The following PLEKHN1 variants were observed in gnomAD, a reference collection of about 807,000 sequenced individuals.
PLEKHN1 encodes the protein pleckstrin homology domain containing N1, also known as pleckstrin homology domain-containing family N member 1.
Under a neutral mutation model 72.8 loss-of-function variants are expected in PLEKHN1, and 68 were observed. The observed-to-expected ratio is 0.93, with a 90% CI of 0.77 to 1.14. PLEKHN1 has a LOEUF of 1.14. Ranked by LOEUF, PLEKHN1 falls within the 50% of genes most tolerant of loss-of-function variation. PLEKHN1 has a pLI of 0.00. For missense variants in PLEKHN1, 1,015 were observed against 840.5 expected (o/e 1.21, Z -2.57); for synonymous variants, 454 against 371.6 (o/e 1.22, Z -2.55).
chr1:969,905 G>C (rs1643216666), intron 2 of PLEKHN1, among the ~76,000 whole-genome samples: 1 of 152,236 alleles, frequency 6.6e-6, no homozygotes, highest in Non-Finnish European at 1.5e-5. Flanking sequence ...ATATATGTAT[G>C]CACGTGTGTG....
At position 973,516 on chromosome 1, in the gene PLEKHN1, T is replaced by C. The variant is rs931071249; in HGVS notation, c.1310T>C (p.Leu437Pro). Residue 437 changes from leucine to proline, a missense_variant, in exon 13 of 16, where the codon CTG becomes CCG. Transcript: ENST00000379410. ...LDLTQLHRLS[L>P]ESSPDAPDHT... Reference sequence around the variant, plus strand: ...GCCCTGCAGCTGCACAGGCTGAGCCTGGAGAGCAGCCCAGATGCCCCTGAC... The same window carrying C: ...GCCCTGCAGCTGCACAGGCTGAGCCCGGAGAGCAGCCCAGATGCCCCTGAC... The C allele has an allele frequency of 6.2e-7, 1 of 1,613,144 alleles. No homozygotes were observed. Among genetic ancestry groups the C allele is most frequent in the Non-Finnish European group, 8.5e-7 (1 of 1,179,972 alleles).
intron 6 of PLEKHN1, 46 bp downstream of exon 6, chr1:971,052 G>C: frequency 6.3e-7 from 1 of 1,579,988 alleles, no homozygotes; most frequent in Non-Finnish European, 8.6e-7. Flanking sequence ...GATCCTCGCA[G>C]CCGGCTCTGA....
chr1:970,727 G>A lies in PLEKHN1; in HGVS notation c.453G>A (p.Glu151=), dbSNP rs1245847749. The change falls in exon 5 of 16, where the codon GAG becomes GAA. Residue 151 remains glutamate (E), a synonymous_variant. Transcript: ENST00000379410. This position sits in a 1 kb window ranked among gnomAD's most constrained non-coding sequence, Gnocchi z 4.2. Reference sequence around the variant, plus strand: ...CGGAGCTGAGTGTCTGCCCGCTCGAGGGGTCCCGAGAGCACGCCTTCCAGA... The same window carrying A: ...CGGAGCTGAGTGTCTGCCCGCTCGAAGGGTCCCGAGAGCACGCCTTCCAGA... ...PLTELSVCPL[E]GSREHAFQIT... 1 of 1,604,974 alleles carries A rather than the reference G, an allele frequency of 6.2e-7. No homozygotes were observed.
At chr1:972,250 C>T (rs752845266) in intron 9 of PLEKHN1, 38 bp from the exon 10 acceptor site, 64 of 1,600,606 alleles carry the variant, frequency 4.0e-5, no homozygotes, top group African/African-American at 6.7e-5. Context: ...CTGAGGGGTG[C>T]ACCCCCCCGC....
chr1:968,409 T>C (rs925184264), intron 2 of PLEKHN1, among the ~76,000 whole-genome samples: 2 of 152,192 alleles, frequency 1.3e-5, no homozygotes, highest in Non-Finnish European at 2.9e-5. Flanking sequence ...TCCAACCTGG[T>C]GATCAAAGCC....
intron 2 of PLEKHN1, among the ~76,000 whole-genome samples, chr1:967,052 G>A (rs1312970026): frequency 6.6e-6 from 1 of 152,224 alleles, no homozygotes; most frequent in African/African-American, 2.4e-5. Context: ...CGCGGGCGGG[G>A]CCTCCCGGGA....
At position 972,920 on chromosome 1, in the gene PLEKHN1, G is replaced by T; in HGVS notation, c.1062G>T (p.Gly354=). The change falls in exon 11 of 16, where the codon GGG becomes GGT. Residue 354 remains glycine (G), a synonymous_variant. Coordinates refer to ENST00000379410, the MANE Select transcript of PLEKHN1 (RefSeq NM_032129.3). ...SSGGQTSWDS[G]CLAPPSTRTS... The stretch of plus-strand genomic sequence containing the variant: ...GCGGACAGACCAGCTGGGACTCGGG[G>T]TGCTTGGCGCCCCCCTCCACCCGCA... The T allele has an allele frequency of 6.4e-7, 1 of 1,561,762 alleles. No individual in the cohort carries two copies. The highest frequency in any genetic ancestry group is 1.4e-5 in the African/African-American group (1 of 73,750).
chr1:974,220 G>A, intron 14 of PLEKHN1, 96 bp from the exon 15 acceptor site: 1 of 1,571,286 alleles, frequency 6.4e-7, no homozygotes. Context: ...GGGAGGGAGA[G>A]CAGGGGGACA....
chr1:966,531 C>T lies in PLEKHN1; in HGVS notation c.-1C>T, dbSNP rs1182836440. On this transcript the variant is annotated 5_prime_UTR_variant, in exon 1 of 16. Coordinates refer to ENST00000379410, the MANE Select transcript of PLEKHN1 (RefSeq NM_032129.3). ...ACTTGCCGACCTGTACGACTCTGGC[C>T]ATGGGGAACAGCCACTGTGTCCCTC... 3 of 1,605,260 alleles carry T rather than the reference C, an allele frequency of 1.9e-6. No individual in the cohort carries two copies. Among genetic ancestry groups the T allele is most frequent in the Non-Finnish European group, 2.6e-6 (3 of 1,174,368 alleles).
rs749017506 is a variant in PLEKHN1, at chr1:970,404, TG to T, written c.312del (p.Arg105GlyfsTer38). 9.4e-5 allele frequency: 152 copies of T among 1,613,434 alleles called. 1 individual carries two copies. The African/African-American group carries it at 1.5e-3, about 16-fold the overall frequency. ...GTTGTGCATTACGCCAAGGTCCAGC[TG>T]CGGTTCCAGCACAGCCAGGTGGGGG... Reference protein sequence around the residue: ...GKVVHYAKVQLRFQHSQDVSD... With the variant: ...GKVVHYAKVQXRFQHSQDVSD... On this transcript the variant is annotated frameshift_variant, in exon 3 of 16. Transcript: ENST00000379410. LOFTEE classifies it high-confidence loss of function. This position sits in a 1 kb window ranked among gnomAD's most constrained non-coding sequence, Gnocchi z 4.2.
rs78958031 is a variant in PLEKHN1 at position 974,557 on chromosome 1, G to T, written c.1818G>T (p.Gly606=). The change falls in exon 16 of 16, where the codon GGG becomes GGT. Residue 606 remains glycine (G), a synonymous_variant. Coordinates refer to ENST00000379410, the MANE Select transcript of PLEKHN1 (RefSeq NM_032129.3). ...TTGGAGGGCCTGAGGCCAGTGGGGG[G>T]CTTGTGCAGTGGATCTGATGGCCGC... ...PQLGGPEASG[G]LVQWI is the part of the protein sequence containing the mutation. The T allele has an allele frequency of 6.2e-7, 1 of 1,611,914 alleles. No individual in the cohort carries two copies.
At position 972,094 on chromosome 1, in the gene PLEKHN1, C is replaced by A; in HGVS notation, c.809C>A (p.Ala270Asp). 6.2e-7 allele frequency: 1 copy of A among 1,613,044 alleles called. No homozygotes were observed. Among genetic ancestry groups the A allele is most frequent in the Non-Finnish European group, 8.5e-7 (1 of 1,179,894 alleles). ...LCFKGELPLR[A>D]VHINLEEKEK... ...CCGCAGGGGGAGCTCCCACTCCGTG[C>A]CGTCCACATCAACCTGGAGGAGAAG... Residue 270 changes from alanine to aspartate, a missense_variant, in exon 9 of 16, where the codon GCC (alanine) becomes GAC (aspartate). Coordinates refer to ENST00000379410, the MANE Select transcript of PLEKHN1 (RefSeq NM_032129.3).
Position 970,626 on chromosome 1 carries a change from G to C in PLEKHN1, c.411+25G>C. On this transcript the variant is annotated intron_variant, in intron 4 of 15. Transcript: ENST00000379410. This position sits in a 1 kb window ranked among gnomAD's most constrained non-coding sequence, Gnocchi z 4.2. ...GGTGAGGCGGTGGGCAATGGGGTGG[G>C]GCCATGGCCGCCCTTCCCTCCATGG... 3.7e-6 allele frequency: 6 copies of C among 1,608,158 alleles called. No individual in the cohort carries two copies. The highest frequency in any genetic ancestry group is 5.1e-6 in the Non-Finnish European group (6 of 1,176,854).
At chr1:973,723 T>C in intron 13 of PLEKHN1, 83 bp downstream of exon 13, 2 of 1,570,022 alleles carry the variant, frequency 1.3e-6, no homozygotes, top group Non-Finnish European at 1.7e-6. Flanking sequence ...CGTCTCACCC[T>C]GGGGTCTGGG....
In PLEKHN1 at chr1:971,668, C is replaced by T; in HGVS notation, c.789+264C>T. The T allele has an allele frequency of 5.0e-6, 3 of 595,054 alleles. No individual in the cohort carries two copies. The East Asian group carries it at 8.3e-5, about 17-fold the overall frequency. The allele number at this position is 595,054 out of a possible 1,614,324, so 36.9% of individuals were successfully genotyped here. ...GCTGAGAGCCCCTCCCGGGGACTCCCTTGTGTGTGCCTGCCCGTGAGGCGT... is the reference window on the plus strand; with the variant it reads ...GCTGAGAGCCCCTCCCGGGGACTCCTTTGTGTGTGCCTGCCCGTGAGGCGT... On this transcript the variant is annotated intron_variant, in intron 8 of 15. Transcript: ENST00000379410.
At chr1:966,968 G>C (rs937760440) in intron 2 of PLEKHN1, among the ~76,000 whole-genome samples, 165 bp downstream of exon 2, 1 of 152,234 alleles carries the variant, frequency 6.6e-6, no homozygotes, top group Admixed American at 6.5e-5. Flanking sequence ...AGCTCATCCG[G>C]CCGAAAGTCT....
At chr1:972,460 G>A in intron 10 of PLEKHN1, 36 bp downstream of exon 10, 1 of 1,520,288 alleles carries the variant, frequency 6.6e-7, no homozygotes, top group Non-Finnish European at 8.8e-7. Context: ...CCAGGTCCTG[G>A]GCAGTGGTAA....
chr1:974,686 G>C lies in PLEKHN1; in HGVS notation c.*111G>C, dbSNP rs984701784. 1 of 1,354,318 alleles carries C rather than the reference G, an allele frequency of 7.4e-7. No individual in the cohort carries two copies. Among genetic ancestry groups the C allele is most frequent in the Non-Finnish European group, 9.8e-7 (1 of 1,015,306 alleles). 83.9% of individuals were successfully genotyped at this position (1,354,318 alleles called of 1,614,324 possible). A position where few individuals can be genotyped will look rare whatever the true frequency, so the allele number is the denominator to read the frequency against. On this transcript the variant is annotated 3_prime_UTR_variant, in exon 16 of 16. Coordinates refer to ENST00000379410, the MANE Select transcript of PLEKHN1 (RefSeq NM_032129.3). The stretch of plus-strand genomic sequence containing the variant: ...GGGTCTGAACCCAGTGTGATGGGGG[G>C]AGTCTCTGGGGCCCTGAGTTCAGAG...
intron 2 of PLEKHN1, among the ~76,000 whole-genome samples, chr1:969,837 T>A (rs1275564136): frequency 6.6e-6 from 1 of 152,024 alleles, no homozygotes; most frequent in African/African-American, 2.4e-5. Context: ...GCATGTTGCC[T>A]GCATGTGCAC....
Sources: allele counts gnomAD v4.1 joint callset (sites outside exome capture counted in the v4.1 genomes callset), GRCh38; gene constraint gnomAD v4.1.1; non-coding constraint Gnocchi (gnomAD v3.1); transcripts MANE v1.5; gene names NCBI Gene and HGNC (gene_info 2026-07-23, HGNC 2026-07-21).